ZNF532: variants seen among roughly 807,000 people sequenced by gnomAD.
The protein encoded by ZNF532 is zinc finger protein 532.
A neutral mutation model predicts 89.3 loss-of-function variants in ZNF532; 22 were observed. The observed-to-expected ratio is 0.25, with a 90% CI of 0.18 to 0.35. ZNF532 has a LOEUF of 0.35. Ranked by LOEUF, ZNF532 falls within the 10% of genes least tolerant of loss-of-function variation. The probability of loss-of-function intolerance (pLI) is 1.00; values close to 1 mark genes in which losing one functional copy is unlikely to be tolerated. For missense variants in ZNF532, 1,132 were observed against 1,643.4 expected, an observed-to-expected ratio of 0.69 and a Z score of 5.38; for synonymous variants, 606 against 649.6, an observed-to-expected ratio of 0.93 and a Z score of 1.02.
At chr18:58,983,230 G>A (rs529637546) in intron 9 of ZNF532, among the ~76,000 whole-genome samples, 2 of 152,308 alleles carry the variant, frequency 1.3e-5, no homozygotes, top group South Asian at 4.1e-4. Context: ...CGTTGGCTTG[G>A]GGAGGGGATT....
At chr18:58,868,218 C>A (rs1174053632) in intron 2 of ZNF532, among the ~76,000 whole-genome samples, 1 of 152,192 alleles carries the variant, frequency 6.6e-6, no homozygotes, top group Non-Finnish European at 1.5e-5. Context: ...ATCCCAGGAC[C>A]ATCAGAACAA....
chr18:58,898,715 T>C (rs548888856), intron 2 of ZNF532, among the ~76,000 whole-genome samples: 88 of 152,312 alleles, frequency 5.8e-4, no homozygotes, highest in African/African-American at 2.1e-3. Flanking sequence ...ACACCTTGAT[T>C]CTCTGATTTC....
intron 7 of ZNF532, 117 bp from the exon 8 acceptor site, chr18:58,978,938 G>A (rs1368070313): frequency 2.6e-6 from 2 of 776,576 alleles, no homozygotes; most frequent in Admixed American, 2.1e-5. Context: ...TCAACCCTCA[G>A]TTTTGGATTT....
intron 4 of ZNF532, among the ~76,000 whole-genome samples, chr18:58,938,631 T>A (rs1250236463): frequency 6.6e-6 from 1 of 152,228 alleles, no homozygotes; most frequent in Non-Finnish European, 1.5e-5. Flanking sequence ...TGGACCACCA[T>A]GAACCCCACA....
At chr18:58,873,648 A>G (rs1163468675) in intron 2 of ZNF532, among the ~76,000 whole-genome samples, 2 of 151,936 alleles carry the variant, frequency 1.3e-5, no homozygotes, top group Non-Finnish European at 2.9e-5. Context: ...GAGACGGGGT[A>G]ACACCATGTC....
At chr18:58,929,873 G>A (rs1185821685) in intron 3 of ZNF532, among the ~76,000 whole-genome samples, 2 of 152,218 alleles carry the variant, frequency 1.3e-5, no homozygotes, top group East Asian at 3.8e-4. Flanking sequence ...TTGGACAAAA[G>A]TGAAAGCCAC....
intron 2 of ZNF532, among the ~76,000 whole-genome samples, chr18:58,896,124 A>AT (rs1217219910): frequency 9.8e-5 from 15 of 152,288 alleles, no homozygotes; most frequent in Admixed American, 1.3e-4. Flanking sequence ...AAGTGTTGAA[A>AT]TTATGGGCGT....
At chr18:58,957,486 A>G (rs747639175) in intron 7 of ZNF532, among the ~76,000 whole-genome samples, 33 of 150,734 alleles carry the variant, frequency 2.2e-4, no homozygotes, top group Non-Finnish European at 5.9e-5. Context: ...CAACCACAGT[A>G]CAGTCATTAC....
At chr18:58,939,764 G>C (rs1277141622) in intron 5 of ZNF532, 143 bp downstream of exon 5, 1 of 624,626 alleles carries the variant, frequency 1.6e-6, no homozygotes, top group Non-Finnish European at 2.6e-6. Flanking sequence ...ATGAAATACA[G>C]CTCATAGCTC....
intron 7 of ZNF532, among the ~76,000 whole-genome samples, chr18:58,972,260 AAG>A: frequency 6.6e-6 from 1 of 152,346 alleles, no homozygotes; most frequent in East Asian, 1.9e-4. Flanking sequence ...ACAAGTGAAA[AAG>A]AATTAGTTTG....
At chr18:58,971,610 C>T (rs939070224) in intron 7 of ZNF532, among the ~76,000 whole-genome samples, 2 of 152,104 alleles carry the variant, frequency 1.3e-5, no homozygotes, top group Non-Finnish European at 1.5e-5. Context: ...AAAAGTTGGT[C>T]GACTGTTTTA....
chr18:58,953,376 G>C, intron 6 of ZNF532, 142 bp from the exon 7 acceptor site: 1 of 712,754 alleles, frequency 1.4e-6, no homozygotes, highest in Non-Finnish European at 2.3e-6. Context: ...ATTTAGCTTA[G>C]GTTTTTTTCT....
At chr18:58,946,153 C>G (rs979867369) in intron 5 of ZNF532, among the ~76,000 whole-genome samples, 5 of 152,202 alleles carry the variant, frequency 3.3e-5, no homozygotes, top group African/African-American at 4.8e-5. Flanking sequence ...CCTATGCCTT[C>G]TCTTTCTTTT....
chr18:58,946,439 T>C (rs1221560351), intron 5 of ZNF532, among the ~76,000 whole-genome samples: 15 of 151,960 alleles, frequency 9.9e-5, no homozygotes, highest in Non-Finnish European at 5.9e-5. Flanking sequence ...ACCCAGCTAA[T>C]TTTTTGTATT....
At chr18:58,924,655 C>T (rs1017596661) in intron 3 of ZNF532, among the ~76,000 whole-genome samples, 1 of 152,128 alleles carries the variant, frequency 6.6e-6, no homozygotes, top group African/African-American at 2.4e-5. Flanking sequence ...ATCCAGTTCC[C>T]CACAATGGTA....
intron 2 of ZNF532, among the ~76,000 whole-genome samples, chr18:58,880,581 T>G (rs1027651729): frequency 6.6e-6 from 1 of 152,222 alleles, no homozygotes; most frequent in Admixed American, 6.5e-5. Context: ...ACAGTATGTC[T>G]AGCTTGCAGT....
chr18:58,896,064 G>C (rs528545516), intron 2 of ZNF532, among the ~76,000 whole-genome samples: 1 of 152,042 alleles, frequency 6.6e-6, no homozygotes, highest in Non-Finnish European at 1.5e-5. Flanking sequence ...TGTTGCCCAG[G>C]CTGGTCTTAA....
At chr18:58,969,959 A>G (rs1775330649) in intron 7 of ZNF532, among the ~76,000 whole-genome samples, 1 of 132,450 alleles carries the variant, frequency 7.6e-6, no homozygotes, top group Admixed American at 9.6e-5. Context: ...ATCTCAGCTC[A>G]CTGCAACCTC....
At chr18:58,941,726 G>T (rs893816752) in intron 5 of ZNF532, among the ~76,000 whole-genome samples, 11 of 151,886 alleles carry the variant, frequency 7.2e-5, no homozygotes, top group Admixed American at 5.2e-4. Context: ...AAAGTGCTGG[G>T]ATTGCAGGTG....
Sources: allele counts gnomAD v4.1 joint callset (sites outside exome capture counted in the v4.1 genomes callset), GRCh38; gene constraint gnomAD v4.1.1; transcripts MANE v1.5; gene names NCBI Gene and HGNC (gene_info 2026-07-23, HGNC 2026-07-21).